AVEN: variants seen among roughly 807,000 people sequenced by gnomAD.
AVEN encodes apoptosis and caspase activation inhibitor.
In AVEN, 41 loss-of-function variants were observed where a neutral mutation model predicts 38.1. That is an observed-to-expected ratio of 1.08 (90% CI 0.84 to 1.40). The LOEUF (loss-of-function observed/expected upper bound fraction) is 1.40, where lower values mean the gene tolerates loss of function less well. Among genes scored for constraint, AVEN ranks in the 40% most tolerant of loss-of-function variants. AVEN has a pLI of 0.00. For synonymous variants in AVEN, 206 were observed against 171.8 expected, an observed-to-expected ratio of 1.20 and a Z score of -1.56; for missense variants, 605 against 438.8, an observed-to-expected ratio of 1.38 and a Z score of -3.38.
chr15:34,042,706 TA>T (rs1899522973), upstream of AVEN, among the ~76,000 whole-genome samples: 1 of 151,946 alleles, frequency 6.6e-6, no homozygotes, highest in South Asian at 2.1e-4. Flanking sequence ...CCCGGCAACC[TA>T]AGTTATTTTT....
intron 4 of AVEN, chr15:34,064,013 G>A (rs1170548961): frequency 1.2e-6 from 2 of 1,614,148 alleles, no homozygotes; most frequent in Non-Finnish European, 8.5e-7. Context: ...GAAAGAGAGT[G>A]GTCCTAGTCA....
intron 2 of AVEN, among the ~76,000 whole-genome samples, chr15:33,897,560 G>A (rs1012007620): frequency 4.6e-5 from 7 of 152,156 alleles, no homozygotes; most frequent in South Asian, 2.1e-4. Flanking sequence ...ATAAGCCACC[G>A]CGCCCGGCCA....
intron 1 of AVEN, among the ~76,000 whole-genome samples, chr15:34,073,520 T>C (rs1382247456): frequency 9.6e-3 from 1 of 104 alleles, no homozygotes; most frequent in Non-Finnish European, 0.17. Context: ...TTCTTTTTTC[T>C]TTTTTTTTTT....
At chr15:34,048,216 A>T (rs1899792565) in intron 5 of AVEN, among the ~76,000 whole-genome samples, 1 of 152,144 alleles carries the variant, frequency 6.6e-6, no homozygotes, top group Non-Finnish European at 1.5e-5. Context: ...ATTCCTCCTC[A>T]CTGGGTGGGA....
intron 5 of AVEN, chr15:34,062,570 A>AG (rs1900373951): frequency 2.9e-6 from 2 of 691,462 alleles, no homozygotes; most frequent in Non-Finnish European, 4.6e-6. Context: ...AAAAAAAAAA[A>AG]AAAACTATAA....
chr15:33,868,184 G>C (rs1313455093), intron 4 of AVEN, among the ~76,000 whole-genome samples: 1 of 152,084 alleles, frequency 6.6e-6, no homozygotes, highest in Admixed American at 6.6e-5. Flanking sequence ...AGGTCTATTT[G>C]GCTTTACACT....
At chr15:34,014,634 G>A (rs2140680489) in intron 1 of AVEN, among the ~76,000 whole-genome samples, 1 of 152,282 alleles carries the variant, frequency 6.6e-6, no homozygotes, top group Non-Finnish European at 1.5e-5. Flanking sequence ...GCAGAGATGG[G>A]ATCAATGCAG....
chr15:34,064,196 C>A lies in AVEN; in HGVS notation n.1127-764G>T, dbSNP rs146862800. 5.8e-5 allele frequency: 94 copies of A among 1,614,070 alleles called. No homozygotes were observed. The Middle Eastern group carries it at 1.5e-3, about 25-fold the overall frequency. ...ATGTCAATAGCACTGTCAACCCCATCTGCTATGCCCTCTGCAACAGAACCT... is the reference window on the plus strand; with the variant it reads ...ATGTCAATAGCACTGTCAACCCCATATGCTATGCCCTCTGCAACAGAACCT... On this transcript the variant is annotated intron_variant and non_coding_transcript_variant, in intron 4 of 11. Transcript: ENST00000675287.
At chr15:34,021,646 G>A (rs552664156) in intron 1 of AVEN, among the ~76,000 whole-genome samples, 1 of 152,178 alleles carries the variant, frequency 6.6e-6, no homozygotes, top group Non-Finnish European at 1.5e-5. Flanking sequence ...TTTGAGGTCA[G>A]GAGTTTGAGA....
At chr15:34,015,746 C>T (rs754937659) in intron 1 of AVEN, among the ~76,000 whole-genome samples, 3 of 152,068 alleles carry the variant, frequency 2.0e-5, no homozygotes, top group Non-Finnish European at 2.9e-5. Context: ...TTCAATGACA[C>T]GTCTCACACG....
intron 2 of AVEN, among the ~76,000 whole-genome samples, chr15:33,933,143 G>C (rs943353803): frequency 6.6e-6 from 1 of 152,178 alleles, no homozygotes; most frequent in Admixed American, 6.5e-5. Context: ...ACACCTGAAA[G>C]AATGTCCCTC....
chr15:33,949,633 C>T (rs1567429507), intron 2 of AVEN, among the ~76,000 whole-genome samples: 1 of 152,000 alleles, frequency 6.6e-6, no homozygotes, highest in Non-Finnish European at 1.5e-5. Context: ...GTGATGGAAA[C>T]ATTGTAAAAT....
At chr15:33,994,517 G>T (rs1409571394) in intron 2 of AVEN, among the ~76,000 whole-genome samples, 1 of 152,148 alleles carries the variant, frequency 6.6e-6, no homozygotes, top group Non-Finnish European at 1.5e-5. Context: ...CCTCACCCTG[G>T]TCTGTGGAAA....
chr15:33,902,342 C>T (rs888400155), intron 2 of AVEN, among the ~76,000 whole-genome samples: 4 of 152,172 alleles, frequency 2.6e-5, no homozygotes, highest in African/African-American at 9.7e-5. Flanking sequence ...ACCCCATGAT[C>T]ATCTCAATGG....
intron 2 of AVEN, among the ~76,000 whole-genome samples, chr15:33,896,371 C>A (rs560917105): frequency 1.3e-5 from 2 of 152,286 alleles, no homozygotes; most frequent in Admixed American, 1.3e-4. Context: ...TGGCACCCAT[C>A]GAATTCTCCA....
chr15:33,989,611 C>T (rs1265804693), intron 2 of AVEN, among the ~76,000 whole-genome samples: 3 of 152,080 alleles, frequency 2.0e-5, no homozygotes, highest in Admixed American at 6.6e-5. Flanking sequence ...CTACAGCCGT[C>T]CCTTTTCATA....
intron 5 of AVEN, among the ~76,000 whole-genome samples, chr15:34,061,538 T>C (rs1196934885): frequency 6.6e-6 from 1 of 152,226 alleles, no homozygotes; most frequent in Non-Finnish European, 1.5e-5. Flanking sequence ...TATTAGTATA[T>C]GCATATGGGA....
chr15:33,853,226 G>T, the AVEN span: 4 of 901,054 alleles, frequency 4.4e-6, no homozygotes, highest in Non-Finnish European at 6.6e-6. Flanking sequence ...TCACAGAAGG[G>T]GTTGGATATG....
chr15:33,934,586 G>A (rs573748010), intron 2 of AVEN, among the ~76,000 whole-genome samples: 108 of 149,040 alleles, frequency 7.2e-4, no homozygotes, highest in Non-Finnish European at 1.3e-3. Flanking sequence ...ACTCTGTGAA[G>A]TGGAGTCTCT....
Sources: gnomAD v4.1 joint callset for allele counts (sites outside exome capture counted in the v4.1 genomes callset) on GRCh38, gnomAD v4.1.1 for gene constraint, MANE v1.5 for transcripts, NCBI Gene and HGNC (gene_info 2026-07-23, HGNC 2026-07-21) for gene names.